The following SUGCT variants were observed in gnomAD, a reference collection of about 807,000 sequenced individuals.
SUGCT encodes the protein succinyl-CoA:glutarate CoA-transferase.
A neutral mutation model predicts 55.0 loss-of-function variants in SUGCT; 41 were observed. The observed-to-expected ratio is 0.74, with a 90% CI of 0.58 to 0.97. The LOEUF (loss-of-function observed/expected upper bound fraction) is 0.97. SUGCT is among the 50% of genes least tolerant of loss of function. The probability of loss-of-function intolerance (pLI) is 0.00; values close to 1 mark genes in which losing one functional copy is unlikely to be tolerated. For missense variants in SUGCT, 568 were observed against 547.8 expected (o/e 1.04, Z -0.37); for synonymous variants, 187 against 200.4 (o/e 0.93, Z 0.56).
At chr7:40,829,037 G>A (rs1024637164) in intron 13 of SUGCT, among the ~76,000 whole-genome samples, 3 of 152,198 alleles carry the variant, frequency 2.0e-5, no homozygotes, top group Non-Finnish European at 2.9e-5. Context: ...CGAAACCAGC[G>A]GATAGCAACA....
At chr7:40,144,927 A>G (rs1186812262) in intron 1 of SUGCT, among the ~76,000 whole-genome samples, 2 of 152,194 alleles carry the variant, frequency 1.3e-5, no homozygotes, top group Non-Finnish European at 2.9e-5. Context: ...AAACTTGTAG[A>G]CACATTTATC....
rs373103345 is a variant in SUGCT, at chr7:40,432,611, G to A, written c.817-16676G>A. Among the ~76,000 whole-genome samples the A allele has an allele frequency of 4.7e-5, 7 of 149,380 alleles. No individual in the cohort carries two copies. In the East Asian group the frequency reaches 9.9e-4, roughly 21 times the overall value. ...TGAGGCAGGAGAATTGCTTGAACCCGGGAGGTGGATGTTGCAGTGAACCAA... is the reference window on the plus strand; with the variant it reads ...TGAGGCAGGAGAATTGCTTGAACCCAGGAGGTGGATGTTGCAGTGAACCAA... On this transcript the variant is annotated intron_variant, in intron 9 of 13. Coordinates refer to ENST00000335693, the MANE Select transcript of SUGCT (RefSeq NM_001193313.2).
At chr7:40,157,337 T>C (rs1309986872) in intron 1 of SUGCT, among the ~76,000 whole-genome samples, 2 of 152,212 alleles carry the variant, frequency 1.3e-5, no homozygotes, top group Admixed American at 6.5e-5. Flanking sequence ...GCAGTTATCC[T>C]GTACAAACCT....
the SUGCT span, among the ~76,000 whole-genome samples, chr7:41,037,530 GA>G: frequency 6.7e-6 from 1 of 149,960 alleles, no homozygotes. Flanking sequence ...TCAGAACACT[GA>G]GTTTCAAATT....
chr7:40,341,599 A>G (rs1584726938), intron 9 of SUGCT, among the ~76,000 whole-genome samples: 1 of 152,344 alleles, frequency 6.6e-6, no homozygotes, highest in African/African-American at 2.4e-5. Flanking sequence ...AAAATTATAA[A>G]TCAACTGGAA....
chr7:40,204,479 T>C (rs911531301), intron 6 of SUGCT, among the ~76,000 whole-genome samples: 1 of 152,004 alleles, frequency 6.6e-6, no homozygotes, highest in African/African-American at 2.4e-5. Context: ...ATTTTTTCTA[T>C]TTTTAGTAGA....
chr7:40,940,643 T>G, the SUGCT span, among the ~76,000 whole-genome samples: 8 of 152,066 alleles, frequency 5.3e-5, no homozygotes, highest in Non-Finnish European at 1.2e-4. Context: ...TTGCAGCTAT[T>G]GTAAAGAAGG....
intron 9 of SUGCT, among the ~76,000 whole-genome samples, chr7:40,435,750 C>G (rs1312157617): frequency 1.3e-5 from 2 of 152,054 alleles, no homozygotes; most frequent in Non-Finnish European, 2.9e-5. Flanking sequence ...GCCTTGCTAT[C>G]ACAATTCCTT....
At chr7:40,245,860 A>G (rs1411065405) in intron 7 of SUGCT, among the ~76,000 whole-genome samples, 4 of 150,282 alleles carry the variant, frequency 2.7e-5, no homozygotes, top group African/African-American at 9.8e-5. Flanking sequence ...TTGCATTACA[A>G]ACATTACAAG....
At chr7:40,242,818 G>A (rs961575116) in intron 7 of SUGCT, among the ~76,000 whole-genome samples, 2 of 142,438 alleles carry the variant, frequency 1.4e-5, no homozygotes, top group African/African-American at 5.2e-5. Context: ...TCCTTGATTT[G>A]GTCACTACTT....
intron 13 of SUGCT, among the ~76,000 whole-genome samples, chr7:40,754,475 T>G (rs1455015558): frequency 6.6e-6 from 1 of 152,196 alleles, no homozygotes; most frequent in African/African-American, 2.4e-5. Flanking sequence ...ACTTACTGTG[T>G]CTGGTACACT....
the SUGCT span, among the ~76,000 whole-genome samples, chr7:40,883,705 A>T: frequency 1.3e-5 from 2 of 152,176 alleles, no homozygotes; most frequent in Non-Finnish European, 2.9e-5. Flanking sequence ...ACTTTCCAGG[A>T]TGTACTTTAC....
At chr7:40,903,670 G>C in the SUGCT span, among the ~76,000 whole-genome samples, 1 of 152,132 alleles carries the variant, frequency 6.6e-6, no homozygotes, top group Admixed American at 6.5e-5. Context: ...AGAAAGACGA[G>C]TTCTTTCATC....
At chr7:40,816,970 T>C (rs1413506750) in intron 13 of SUGCT, among the ~76,000 whole-genome samples, 1 of 152,186 alleles carries the variant, frequency 6.6e-6, no homozygotes, top group Non-Finnish European at 1.5e-5. Context: ...AAGAAGATGA[T>C]GAGAATAGAG....
intron 11 of SUGCT, among the ~76,000 whole-genome samples, chr7:40,490,252 A>T (rs1165370405): frequency 6.6e-6 from 1 of 152,160 alleles, no homozygotes; most frequent in East Asian, 1.9e-4. Flanking sequence ...CTTGTGTGGT[A>T]CCTTCACTGG....
intron 11 of SUGCT, among the ~76,000 whole-genome samples, chr7:40,487,195 C>G (rs1461442910): frequency 7.5e-6 from 1 of 133,588 alleles, no homozygotes; most frequent in African/African-American, 2.8e-5. Context: ...AGTGATTCTT[C>G]TACCACAGCC....
intron 13 of SUGCT, among the ~76,000 whole-genome samples, chr7:40,829,333 C>A (rs1270051128): frequency 6.6e-6 from 1 of 152,188 alleles, no homozygotes; most frequent in Non-Finnish European, 1.5e-5. Flanking sequence ...GGGGAGCAGC[C>A]ACTTTGCCAT....
At chr7:40,242,111 A>G (rs1006014429) in intron 7 of SUGCT, among the ~76,000 whole-genome samples, 5 of 152,030 alleles carry the variant, frequency 3.3e-5, no homozygotes, top group South Asian at 4.2e-4. Flanking sequence ...GACATTTTAC[A>G]TATGTATTTT....
intron 12 of SUGCT, among the ~76,000 whole-genome samples, chr7:40,675,634 G>C (rs948826617): frequency 1.3e-5 from 2 of 152,140 alleles, no homozygotes; most frequent in African/African-American, 4.8e-5. Flanking sequence ...GGAGGTATGG[G>C]AGTTGGGCAA....
Sources: gnomAD v4.1 joint callset for allele counts (sites outside exome capture counted in the v4.1 genomes callset) on GRCh38, gnomAD v4.1.1 for gene constraint, MANE v1.5 for transcripts, NCBI Gene and HGNC (gene_info 2026-07-23, HGNC 2026-07-21) for gene names.